The following FRMD6 variants were observed in gnomAD, a reference collection of about 807,000 sequenced individuals.
FRMD6 encodes the protein FERM domain containing 6.
A neutral mutation model predicts 73.2 loss-of-function variants in FRMD6; 37 were observed. That is an observed-to-expected ratio of 0.51 (90% CI 0.39 to 0.66). The LOEUF (loss-of-function observed/expected upper bound fraction) is 0.66. FRMD6 is among the 30% of genes least tolerant of loss of function. FRMD6 has a pLI of 0.00. For synonymous variants in FRMD6, 273 were observed against 282.2 expected (o/e 0.97, Z 0.33); for missense variants, 714 against 780.5 (o/e 0.91, Z 1.02).
At chr14:51,453,865 C>T in the FRMD6 span, among the ~76,000 whole-genome samples, 3 of 152,158 alleles carry the variant, frequency 2.0e-5, no homozygotes, top group Admixed American at 1.3e-4. Context: ...AGAAAGGCAA[C>T]GTCAAGCCAT....
intron 2 of FRMD6, among the ~76,000 whole-genome samples, chr14:51,619,868 T>G (rs1890860950): frequency 6.6e-6 from 1 of 152,176 alleles, no homozygotes; most frequent in Non-Finnish European, 1.5e-5. Context: ...AAAGAAAAGA[T>G]GAACTTGACA....
At chr14:51,623,824 A>G (rs1891021636) in intron 2 of FRMD6, among the ~76,000 whole-genome samples, 6 of 152,224 alleles carry the variant, frequency 3.9e-5, no homozygotes, top group Admixed American at 3.9e-4. Context: ...CATTCAATAC[A>G]TGTTGAATAA....
At chr14:51,500,898 T>A (rs1464630631) in intron 1 of FRMD6, among the ~76,000 whole-genome samples, 1 of 152,172 alleles carries the variant, frequency 6.6e-6, no homozygotes, top group Non-Finnish European at 1.5e-5. Flanking sequence ...TTGTCAATGA[T>A]CTCAAAAATG....
At chr14:51,683,244 C>T (rs1439770745) in intron 1 of FRMD6, among the ~76,000 whole-genome samples, 1 of 152,154 alleles carries the variant, frequency 6.6e-6, no homozygotes, top group Admixed American at 6.5e-5. Flanking sequence ...TATTCCTTCT[C>T]ATGACCTGGC....
chr14:51,456,224 C>T, the FRMD6 span, among the ~76,000 whole-genome samples: 1 of 152,106 alleles, frequency 6.6e-6, no homozygotes, highest in African/African-American at 2.4e-5. Flanking sequence ...CATAGGTATA[C>T]ATGTGCCATG....
At chr14:51,452,929 C>G in the FRMD6 span, among the ~76,000 whole-genome samples, 1 of 152,140 alleles carries the variant, frequency 6.6e-6, no homozygotes, top group Non-Finnish European at 1.5e-5. Context: ...TTGCAGAAAC[C>G]CTCTCAGTGG....
At chr14:51,513,447 G>A (rs1019656120) in intron 1 of FRMD6, among the ~76,000 whole-genome samples, 8 of 152,280 alleles carry the variant, frequency 5.3e-5, no homozygotes, top group South Asian at 2.1e-4. Flanking sequence ...CAATTCGGCC[G>A]AGCCATTGAC....
chr14:51,644,835 T>C (rs144096918), intron 2 of FRMD6, among the ~76,000 whole-genome samples: 171 of 152,328 alleles, frequency 1.1e-3, no homozygotes, highest in African/African-American at 3.8e-3. Context: ...ATAACAAATA[T>C]ATAAAAATGT....
At chr14:51,479,912 T>A in the FRMD6 span, among the ~76,000 whole-genome samples, 1 of 152,068 alleles carries the variant, frequency 6.6e-6, no homozygotes, top group African/African-American at 2.4e-5. Flanking sequence ...ATTGACTTCG[T>A]GGGAAAGAAA....
intron 7 of FRMD6, 190 bp downstream of exon 7, chr14:51,708,423 G>T: frequency 3.7e-6 from 2 of 547,760 alleles, no homozygotes; most frequent in Non-Finnish European, 6.3e-6. Flanking sequence ...TTTTACTCTG[G>T]CCTGGAAGCG....
At chr14:51,418,854 A>C in the FRMD6 span, among the ~76,000 whole-genome samples, 2 of 152,204 alleles carry the variant, frequency 1.3e-5, no homozygotes, top group African/African-American at 4.8e-5. Flanking sequence ...TTCCATGGCC[A>C]CTTTGTTTAC....
chr14:51,427,027 C>T, the FRMD6 span, among the ~76,000 whole-genome samples: 1 of 152,160 alleles, frequency 6.6e-6, no homozygotes, highest in Non-Finnish European at 1.5e-5. Context: ...TCTTTTCTCC[C>T]CTCCTCATCA....
chr14:51,716,013 C>T (rs1897221930), intron 10 of FRMD6, among the ~76,000 whole-genome samples: 1 of 152,140 alleles, frequency 6.6e-6, no homozygotes, highest in African/African-American at 2.4e-5. Flanking sequence ...TCTGTTCTAG[C>T]AAGAGTGCCA....
At chr14:51,597,731 G>A (rs756712180) in intron 2 of FRMD6, among the ~76,000 whole-genome samples, 2 of 152,186 alleles carry the variant, frequency 1.3e-5, no homozygotes, top group Non-Finnish European at 2.9e-5. Flanking sequence ...TTCTATAAAT[G>A]TTCAATCCAA....
At chr14:51,712,371 G>C in intron 8 of FRMD6, 112 bp from the exon 9 acceptor site, 2 of 673,748 alleles carry the variant, frequency 3.0e-6, no homozygotes, top group Non-Finnish European at 5.3e-6. Flanking sequence ...AGATGTGGGG[G>C]CTTTTTTCAG....
intron 6 of FRMD6, among the ~76,000 whole-genome samples, chr14:51,705,571 T>A (rs1896577634): frequency 6.6e-6 from 1 of 152,118 alleles, no homozygotes; most frequent in Non-Finnish European, 1.5e-5. Context: ...TGTTTGGTTC[T>A]CACCCACCCA....
At chr14:51,435,144 T>C in the FRMD6 span, among the ~76,000 whole-genome samples, 2 of 152,186 alleles carry the variant, frequency 1.3e-5, no homozygotes, top group South Asian at 4.1e-4. Flanking sequence ...GATTAGTTAG[T>C]GGTATTGTAT....
At chr14:51,472,894 T>C in the FRMD6 span, among the ~76,000 whole-genome samples, 5 of 152,252 alleles carry the variant, frequency 3.3e-5, no homozygotes, top group Non-Finnish European at 1.5e-5. Context: ...CCAGATTTAA[T>C]TGAGGATAAT....
At chr14:51,425,230 G>T in the FRMD6 span, among the ~76,000 whole-genome samples, 7 of 152,172 alleles carry the variant, frequency 4.6e-5, no homozygotes, top group South Asian at 2.1e-4. Flanking sequence ...CCTGGTCTTG[G>T]CTCCCTCCCT....
Sources: allele counts gnomAD v4.1 joint callset (sites outside exome capture counted in the v4.1 genomes callset), GRCh38; gene constraint gnomAD v4.1.1; transcripts MANE v1.5; gene names NCBI Gene and HGNC (gene_info 2026-07-23, HGNC 2026-07-21).